KIR3DL2: variants seen among roughly 807,000 people sequenced by gnomAD.
KIR3DL2 encodes the protein killer cell immunoglobulin like receptor, three Ig domains and long cytoplasmic tail 2.
In KIR3DL2, 42 loss-of-function variants were observed where a neutral mutation model predicts 41.6. The observed-to-expected ratio is 1.01, with a 90% confidence interval of 0.79 to 1.31. The LOEUF is 1.31. Among genes scored for constraint, KIR3DL2 ranks in the 50% most tolerant of loss-of-function variants. The probability of loss-of-function intolerance (pLI) is 0.00; values close to 1 mark genes in which losing one functional copy is unlikely to be tolerated. For missense variants in KIR3DL2, 728 were observed against 576.8 expected, an observed-to-expected ratio of 1.26 and a Z score of -2.68; for synonymous variants, 230 against 221.3, an observed-to-expected ratio of 1.04 and a Z score of -0.35.
chr19:54,855,959 T>C lies in KIR3DL2; in HGVS notation c.949+47T>C, dbSNP rs556934051. On this transcript the variant is annotated intron_variant, in intron 5 of 8. Transcript: ENST00000326321. Reference sequence around the variant, plus strand: ...CCCATGTCTTATGATCCTAGAGCCATAGCTGAGGAGCTTCCTGCCGATGAT... The same window carrying C: ...CCCATGTCTTATGATCCTAGAGCCACAGCTGAGGAGCTTCCTGCCGATGAT... The C allele has an allele frequency of 2.3e-4, 360 of 1,598,570 alleles. 4 individuals carry two copies. In the South Asian group the frequency reaches 3.2e-3, roughly 14 times the overall value.
chr19:54,852,213 CGG>C lies in KIR3DL2; in HGVS notation c.289_290del (p.Gly97PhefsTer54), dbSNP rs749431251. ...TPAHAGTYRC[R>X]GSRPHSLTGW... The stretch of plus-strand genomic sequence containing the variant: ...AGCACATGCAGGGACCTACAGATGT[CGG>C]GGTTCACGCCCACACTCCCTCACTG... On this transcript the variant is annotated frameshift_variant, in exon 3 of 9. Coordinates refer to ENST00000326321, the MANE Select transcript of KIR3DL2 (RefSeq NM_006737.4). LOFTEE classifies it high-confidence loss of function. 1.4e-5 allele frequency: 23 copies of C among 1,611,714 alleles called. No individual in the cohort carries two copies. The highest frequency in any genetic ancestry group is 1.9e-5 in the Non-Finnish European group (22 of 1,178,964).
chr19:54,859,038 G>C, intron 5 of KIR3DL2, 41 bp from the exon 6 acceptor site: 2 of 1,601,214 alleles, frequency 1.2e-6, no homozygotes, highest in South Asian at 1.1e-5. Context: ...TAGAGGACAA[G>C]CACCCTCATT....
At chr19:54,851,361 G>A (rs1212448300) in intron 2 of KIR3DL2, 106 bp downstream of exon 2, 4 of 1,266,588 alleles carry the variant, frequency 3.2e-6, no homozygotes, top group Non-Finnish European at 4.5e-6. Flanking sequence ...TAGGAAGAGG[G>A]GACCCTTGGA....
intron 6 of KIR3DL2, among the ~76,000 whole-genome samples, chr19:54,863,163 T>C (rs1355587833): frequency 6.6e-6 from 1 of 151,796 alleles, no homozygotes; most frequent in Non-Finnish European, 1.5e-5. Flanking sequence ...ATTTCATCCA[T>C]GTCCCTGCAA....
chr19:54,866,634 A>G lies in KIR3DL2; in HGVS notation c.1271A>G (p.Asp424Gly), dbSNP rs756663205. 2 of 1,614,004 alleles carry G rather than the reference A, an allele frequency of 1.2e-6. No individual in the cohort carries two copies. The highest frequency in any genetic ancestry group is 2.2e-5 in the South Asian group (2 of 91,072). Residue 424 changes from aspartate (D) to glycine (G), a missense_variant, in exon 9 of 9, where the codon GAT (aspartate) becomes GGT (glycine). Transcript: ENST00000326321. ...PSQRPKTPLT[D>G]TSVYTELPNA... ...CAGAGGCCCAAGACACCCCTAACAGATACCAGCGTGTACACGGAACTTCCA... is the reference window on the plus strand; with the variant it reads ...CAGAGGCCCAAGACACCCCTAACAGGTACCAGCGTGTACACGGAACTTCCA...
At chr19:54,857,990 C>T (rs1229022699) in intron 5 of KIR3DL2, among the ~76,000 whole-genome samples, 1 of 151,624 alleles carries the variant, frequency 6.6e-6, no homozygotes, top group Admixed American at 6.6e-5. Context: ...GTCTTTTGCT[C>T]GTTTTTTAAT....
chr19:54,852,368 A>T, intron 3 of KIR3DL2, 86 bp downstream of exon 3: 1 of 1,542,866 alleles, frequency 6.5e-7, no homozygotes, highest in Non-Finnish European at 8.7e-7. Flanking sequence ...GGGTCCCATC[A>T]CCCAGGCCCC....
intron 5 of KIR3DL2, among the ~76,000 whole-genome samples, chr19:54,857,611 G>A (rs2064884848): frequency 2.0e-5 from 3 of 151,516 alleles, no homozygotes; most frequent in Non-Finnish European, 2.9e-5. Context: ...GAGTGCAAGG[G>A]TGTGATCTCG....
rs57080817 is a variant in KIR3DL2 at position 54,861,415 on chromosome 19, G to A, written c.1000+2286G>A. ...TAACCCAGCACTTCAGGAGGCCAAC[G>A]CGGGTGGATCACATGAAGTCAGGAG... On this transcript the variant is annotated intron_variant, in intron 6 of 8. Coordinates refer to ENST00000326321, the MANE Select transcript of KIR3DL2 (RefSeq NM_006737.4). Among the ~76,000 whole-genome samples, 638 of 152,222 alleles carry A rather than the reference G, an allele frequency of 4.2e-3. 1 individual carries two copies. Among genetic ancestry groups the A allele is most frequent in the African/African-American group, 0.015 (604 of 41,556 alleles).
intron 2 of KIR3DL2, 140 bp from the exon 3 acceptor site, chr19:54,851,858 G>T: frequency 2.2e-6 from 2 of 899,768 alleles, no homozygotes; most frequent in South Asian, 1.4e-5. Flanking sequence ...TGTCTATGTG[G>T]GGTGGGTCCT....
chr19:54,864,338 A>G (rs1408587316), intron 6 of KIR3DL2, among the ~76,000 whole-genome samples: 3 of 152,098 alleles, frequency 2.0e-5, no homozygotes, highest in South Asian at 2.1e-4. Flanking sequence ...TTGGCAATGC[A>G]GGCTCTTTTT....
At chr19:54,863,789 T>TC (rs1277050428) in intron 6 of KIR3DL2, among the ~76,000 whole-genome samples, 1 of 152,060 alleles carries the variant, frequency 6.6e-6, no homozygotes, top group East Asian at 1.9e-4. Flanking sequence ...GCGAAAATTT[T>TC]CTCCCATTTT....
chr19:54,858,404 C>T (rs678675), intron 5 of KIR3DL2, among the ~76,000 whole-genome samples: 54,760 of 144,470 alleles, frequency 0.38, 10,713 homozygotes, highest in South Asian at 0.43. Flanking sequence ...CTGTCCTTTC[C>T]TGATTGTAAG....
rs111667983 is a variant in KIR3DL2 at position 54,865,695 on chromosome 19, C to T, written c.1001-110C>T. ...AGCTGGGTCTCCCGCCATCAGGCTG[C>T]TTGTCCTAAGGAGATGTTCCATGTG... On this transcript the variant is annotated intron_variant, in intron 6 of 8. Coordinates refer to ENST00000326321, the MANE Select transcript of KIR3DL2 (RefSeq NM_006737.4). 634 of 947,680 alleles carry T rather than the reference C, an allele frequency of 6.7e-4. 3 individuals are homozygous for T. In the African/African-American group the frequency reaches 8.9e-3, roughly 13 times the overall value. 58.7% of individuals were successfully genotyped at this position (947,680 alleles called of 1,614,324 possible).
chr19:54,860,921 G>A (rs2065128320), intron 6 of KIR3DL2, among the ~76,000 whole-genome samples: 1 of 138,096 alleles, frequency 7.2e-6, no homozygotes, highest in Non-Finnish European at 1.6e-5. Flanking sequence ...GATGACTGTA[G>A]AGAGACGGAG....
chr19:54,853,451 C>G (rs1276222099), intron 3 of KIR3DL2, among the ~76,000 whole-genome samples: 1 of 151,786 alleles, frequency 6.6e-6, no homozygotes, highest in Non-Finnish European at 1.5e-5. Context: ...TCCTCTTCCA[C>G]CCCCACATAG....
rs367877972 is a variant in KIR3DL2 at position 54,851,893 on chromosome 19, G to T, written c.71-105G>T. ...TTCCTGTAGCCCTGGGCACCCAGGT[G>T]TGGTAGGAGCCTTAGAAAGCGGAAA... On this transcript the variant is annotated intron_variant, in intron 2 of 8. Coordinates refer to ENST00000326321, the MANE Select transcript of KIR3DL2 (RefSeq NM_006737.4). 52 of 1,417,034 alleles carry T rather than the reference G, an allele frequency of 3.7e-5. No homozygotes were observed. In the East Asian group the frequency reaches 9.6e-4, roughly 26 times the overall value. 87.8% of individuals were successfully genotyped at this position (1,417,034 alleles called of 1,614,324 possible).
intron 6 of KIR3DL2, among the ~76,000 whole-genome samples, chr19:54,861,702 G>A (rs2065193622): frequency 6.6e-6 from 1 of 150,960 alleles, no homozygotes; most frequent in South Asian, 2.1e-4. Context: ...AATGATGCAG[G>A]CACCTGAATT....
At chr19:54,857,869 A>G (rs1191115152) in intron 5 of KIR3DL2, among the ~76,000 whole-genome samples, 1 of 151,692 alleles carries the variant, frequency 6.6e-6, no homozygotes, top group Non-Finnish European at 1.5e-5. Flanking sequence ...ATGAGATGAA[A>G]ACTCATCGCG....
Sources: allele counts gnomAD v4.1 joint callset (sites outside exome capture counted in the v4.1 genomes callset), GRCh38; gene constraint gnomAD v4.1.1; transcripts MANE v1.5; gene names NCBI Gene and HGNC (gene_info 2026-07-23, HGNC 2026-07-21).